The following CYP2C18 variants were observed in gnomAD, a reference collection of about 807,000 sequenced individuals.
CYP2C18 encodes cytochrome P450 2C18.
Under a neutral mutation model 41.3 loss-of-function variants are expected in CYP2C18, and 38 were observed. The observed-to-expected ratio is 0.92, with a 90% confidence interval of 0.71 to 1.21. The LOEUF is 1.21. Ranked by LOEUF, CYP2C18 falls within the 50% of genes most tolerant of loss-of-function variation. The pLI is 0.00. For missense variants in CYP2C18, 635 were observed against 591.4 expected (o/e 1.07, Z -0.77); for synonymous variants, 236 against 210.0 (o/e 1.12, Z -1.07).
At chr10:94,712,257 C>T (rs1199075320) in intron 5 of CYP2C18, among the ~76,000 whole-genome samples, 5 of 150,906 alleles carry the variant, frequency 3.3e-5, no homozygotes, top group Non-Finnish European at 5.9e-5. Flanking sequence ...ATTCAACTGG[C>T]TGTGCAATTT....
At chr10:94,733,731 G>T (rs1431429918) in intron 8 of CYP2C18, 1 of 319,430 alleles carries the variant, frequency 3.1e-6, no homozygotes, top group Non-Finnish European at 4.5e-6. Flanking sequence ...TTCTTAATGG[G>T]TGAAACTTAT....
chr10:94,729,587 A>G (rs192602264), intron 7 of CYP2C18, among the ~76,000 whole-genome samples: 10 of 152,308 alleles, frequency 6.6e-5, no homozygotes, highest in Admixed American at 2.6e-4. Flanking sequence ...TGGTAAAGAG[A>G]AGCCTTTTGC....
intron 7 of CYP2C18, among the ~76,000 whole-genome samples, chr10:94,728,041 T>G (rs1293864122): frequency 6.6e-6 from 1 of 151,868 alleles, no homozygotes; most frequent in African/African-American, 2.4e-5. Context: ...CTCTTATAGC[T>G]TTTTTTTGAT....
At chr10:94,709,733 C>G (rs1329804898) in intron 5 of CYP2C18, among the ~76,000 whole-genome samples, 1 of 152,238 alleles carries the variant, frequency 6.6e-6, no homozygotes, top group East Asian at 1.9e-4. Context: ...ATAATTTTAA[C>G]TATTACATTT....
At chr10:94,719,808 C>T (rs1324131864) in intron 5 of CYP2C18, among the ~76,000 whole-genome samples, 3 of 152,046 alleles carry the variant, frequency 2.0e-5, no homozygotes, top group Non-Finnish European at 4.4e-5. Context: ...CTCCTGACCT[C>T]AGGTGACTGC....
chr10:94,709,461 T>C (rs1307218695), intron 5 of CYP2C18, among the ~76,000 whole-genome samples: 2 of 149,514 alleles, frequency 1.3e-5, no homozygotes, highest in Admixed American at 1.3e-4. Context: ...ATTATATTTT[T>C]AAAATTATTG....
chr10:94,725,741 G>T (rs1204026378), intron 7 of CYP2C18, among the ~76,000 whole-genome samples: 1 of 151,906 alleles, frequency 6.6e-6, no homozygotes, highest in East Asian at 1.9e-4. Flanking sequence ...CCTGTCTATA[G>T]ATATAATATA....
intron 4 of CYP2C18, among the ~76,000 whole-genome samples, chr10:94,697,577 G>A (rs1044448342): frequency 2.6e-5 from 4 of 152,122 alleles, no homozygotes; most frequent in African/African-American, 7.2e-5. Context: ...ATCAACTAAC[G>A]AGCAAAATAA....
At chr10:94,733,179 T>C (rs898887679) in intron 7 of CYP2C18, 118 bp from the exon 8 acceptor site, 20 of 1,010,464 alleles carry the variant, frequency 2.0e-5, no homozygotes, top group Non-Finnish European at 2.9e-5. Context: ...GAATGTAACT[T>C]CTTTGGACCT....
chr10:94,725,019 C>T (rs193022104), intron 7 of CYP2C18, among the ~76,000 whole-genome samples: 25 of 149,396 alleles, frequency 1.7e-4, no homozygotes, highest in Non-Finnish European at 3.1e-4. Flanking sequence ...TCATGTATTA[C>T]GTTTTTTTTC....
In CYP2C18 at chr10:94,735,429, C is replaced by G. The variant is rs573172062; in HGVS notation, c.1458C>G (p.Cys486Trp). 1 of 1,613,528 alleles carries G rather than the reference C, an allele frequency of 6.2e-7. No individual in the cohort carries two copies. Among genetic ancestry groups the G allele is most frequent in the African/African-American group, 1.3e-5 (1 of 75,024 alleles). ...GTGTGCCACCCTTGTACCAGCTCTG[C>G]TTCATTCCTGTCTGAAGAAGGGCAG... ...FGRVPPLYQL[C>W]FIPV is the part of the protein sequence containing the mutation. Residue 486 changes from cysteine to tryptophan, a missense_variant, in exon 9 of 9, where the codon TGC becomes TGG. Cys to Trp is a radical substitution (Grantham distance 215). Transcript: ENST00000285979.
intron 8 of CYP2C18, 152 bp from the exon 9 acceptor site, chr10:94,735,111 T>TTC (rs10638737): frequency 0.19 from 131,361 of 705,956 alleles, 14,760 homozygotes; most frequent in East Asian, 0.4. Context: ...GTATTCATTT[T>TTC]TGTTTTTCTG....
chr10:94,693,724 G>T (rs1847059000), intron 3 of CYP2C18, among the ~76,000 whole-genome samples: 1 of 152,176 alleles, frequency 6.6e-6, no homozygotes, highest in African/African-American at 2.4e-5. Context: ...CATAGGAGCA[G>T]TTAACTAAAC....
In CYP2C18 at chr10:94,695,090, G is replaced by C; in HGVS notation, c.642+13G>C. Reference sequence around the variant, plus strand: ...TCCATGGATCCAGGTGAGATCAAGAGCTTCTCTTCCTGAGATATTATTTTT... The same window carrying C: ...TCCATGGATCCAGGTGAGATCAAGACCTTCTCTTCCTGAGATATTATTTTT... On this transcript the variant is annotated intron_variant, in intron 4 of 8. Transcript: ENST00000285979. 6.3e-7 allele frequency: 1 copy of C among 1,588,650 alleles called. No individual in the cohort carries two copies. The highest frequency in any genetic ancestry group is 8.5e-7 in the Non-Finnish European group (1 of 1,172,640).
chr10:94,698,814 A>C (rs1279325700), intron 4 of CYP2C18, among the ~76,000 whole-genome samples: 1 of 152,248 alleles, frequency 6.6e-6, no homozygotes, highest in African/African-American at 2.4e-5. Flanking sequence ...CCAATCCCAC[A>C]GAAACACAAA....
At chr10:94,733,201 T>A in intron 7 of CYP2C18, 96 bp from the exon 8 acceptor site, 1 of 1,206,032 alleles carries the variant, frequency 8.3e-7, no homozygotes, top group East Asian at 2.4e-5. Context: ...AATTTTCTTA[T>A]CTATTGATAA....
At chr10:94,728,544 T>C in intron 7 of CYP2C18, 1 of 526,806 alleles carries the variant, frequency 1.9e-6, no homozygotes, top group Non-Finnish European at 2.4e-6. Flanking sequence ...TCCTTCCTTC[T>C]GTGTTTTTTA....
chr10:94,732,714 A>C (rs1388479682), intron 7 of CYP2C18, among the ~76,000 whole-genome samples: 2 of 151,964 alleles, frequency 1.3e-5, no homozygotes, highest in Non-Finnish European at 2.9e-5. Flanking sequence ...GGAACAGAAA[A>C]CCAAATATTG....
At chr10:94,722,334 A>G (rs1226464663) in intron 6 of CYP2C18, among the ~76,000 whole-genome samples, 4 of 151,826 alleles carry the variant, frequency 2.6e-5, no homozygotes, top group African/African-American at 9.7e-5. Context: ...TTTTATATTT[A>G]TCTATGAGCA....
Sources: gnomAD v4.1 joint callset for allele counts (sites outside exome capture counted in the v4.1 genomes callset) on GRCh38, gnomAD v4.1.1 for gene constraint, MANE v1.5 for transcripts, NCBI Gene and HGNC (gene_info 2026-07-23, HGNC 2026-07-21) for gene names.